Variants in ATP6V0A4 observed in about 807,000 individuals in gnomAD.
ATP6V0A4 encodes the protein V-type proton ATPase 116 kDa subunit a 4.
A neutral mutation model predicts 107.3 loss-of-function variants in ATP6V0A4; 86 were observed. The ratio of observed to expected loss-of-function variants is 0.80; its 90% CI spans 0.67 to 0.96. The LOEUF (loss-of-function observed/expected upper bound fraction) is 0.96. ATP6V0A4 is among the 40% of genes least tolerant of loss of function. ATP6V0A4 has a pLI of 0.00. For missense variants in ATP6V0A4, 908 were observed against 1,045.6 expected (o/e 0.87, Z 1.81); for synonymous variants, 353 against 381.4 (o/e 0.93, Z 0.87).
chr7:138,772,122 C>G (rs1297371564), intron 2 of ATP6V0A4, among the ~76,000 whole-genome samples: 1 of 152,144 alleles, frequency 6.6e-6, no homozygotes, highest in Admixed American at 6.5e-5. Context: ...AATCCATATG[C>G]CCATTGGGTA....
At chr7:138,752,588 A>C in intron 11 of ATP6V0A4, 37 bp downstream of exon 11, 6 of 1,610,298 alleles carry the variant, frequency 3.7e-6, no homozygotes, top group Non-Finnish European at 5.1e-6. Flanking sequence ...AGAGGGGCTG[A>C]CTCATCGGAC....
In ATP6V0A4 at chr7:138,715,744, C is replaced by T; in HGVS notation, c.2257+20G>A. ...GTGTTGGGGAGAGCTGACTGTCCCC[C>T]CGATGGGCTGCTCACTCACGTGCAT... On this transcript the variant is annotated intron_variant, in intron 20 of 21. Transcript: ENST00000310018. 1 of 1,612,762 alleles carries T rather than the reference C, an allele frequency of 6.2e-7. No homozygotes were observed.
chr7:138,747,646 G>T, intron 12 of ATP6V0A4, 82 bp from the exon 13 acceptor site: 2 of 1,576,024 alleles, frequency 1.3e-6, no homozygotes, highest in South Asian at 2.3e-5. Context: ...ACAGCTCCAC[G>T]ATTTGCATGC....
chr7:138,706,889 ATT>A (rs11308035), intron 21 of ATP6V0A4, 172 bp from the exon 22 acceptor site: 14,736 of 210,460 alleles, frequency 0.07, no homozygotes, highest in Non-Finnish European at 0.086. Flanking sequence ...AATCCTGAGG[ATT>A]TTTTTTTTTT....
At chr7:138,759,626 A>AG (rs1176628095) in intron 8 of ATP6V0A4, 126 bp downstream of exon 8, 1 of 1,047,536 alleles carries the variant, frequency 9.5e-7, no homozygotes, top group East Asian at 2.5e-5. Context: ...GAAAAAAAGG[A>AG]GAAAAAAAGG....
intron 8 of ATP6V0A4, 82 bp downstream of exon 8, chr7:138,759,670 C>T (rs568377868): frequency 6.9e-7 from 1 of 1,446,018 alleles, no homozygotes; most frequent in African/African-American, 1.4e-5. Flanking sequence ...CTAAAGATCC[C>T]CCATGTTTTG....
At chr7:138,771,780 C>A (rs1807403481) in intron 2 of ATP6V0A4, among the ~76,000 whole-genome samples, 1 of 152,078 alleles carries the variant, frequency 6.6e-6, no homozygotes, top group Non-Finnish European at 1.5e-5. Context: ...CCACCACACC[C>A]AGCTAGTTGT....
intron 11 of ATP6V0A4, among the ~76,000 whole-genome samples, chr7:138,749,896 G>A (rs1055107782): frequency 6.6e-6 from 1 of 152,080 alleles, no homozygotes; most frequent in Non-Finnish European, 1.5e-5. Context: ...AGCAAAGCTT[G>A]CTAGTTCTCC....
chr7:138,712,511 C>T (rs996667595), intron 20 of ATP6V0A4, among the ~76,000 whole-genome samples: 2 of 152,178 alleles, frequency 1.3e-5, no homozygotes, highest in African/African-American at 4.8e-5. Context: ...CTGATGAAAG[C>T]CCCGGCACAC....
At position 138,798,027 on chromosome 7, in the gene ATP6V0A4, G is replaced by A. The variant is rs542333805; in HGVS notation, c.-121+7C>T. On this transcript the variant is annotated splice_region_variant and intron_variant, in intron 1 of 21. Coordinates refer to ENST00000310018, the MANE Select transcript of ATP6V0A4 (RefSeq NM_020632.3). ...TTTCCAGCTCCTGCAGGTGGGAGTCGACTCACCTGCAGCAGGCACTCGGCA... is the reference window on the plus strand; with the variant it reads ...TTTCCAGCTCCTGCAGGTGGGAGTCAACTCACCTGCAGCAGGCACTCGGCA... The A allele has an allele frequency of 8.8e-5, 136 of 1,552,072 alleles. No individual in the cohort carries two copies. In the African/African-American group the frequency reaches 1.4e-3, roughly 16 times the overall value.
chr7:138,743,810 A>AT (rs1805763031), intron 14 of ATP6V0A4, among the ~76,000 whole-genome samples: 1 of 152,198 alleles, frequency 6.6e-6, no homozygotes. Context: ...GGTTTTACAA[A>AT]TTAGCCCTCA....
chr7:138,795,081 T>A (rs902076935), intron 1 of ATP6V0A4, among the ~76,000 whole-genome samples: 10 of 152,080 alleles, frequency 6.6e-5, no homozygotes, highest in Admixed American at 6.5e-4. Flanking sequence ...TGAATTTTTT[T>A]AGTAGAGATG....
intron 18 of ATP6V0A4, 144 bp from the exon 19 acceptor site, chr7:138,722,169 C>T: frequency 7.3e-7 from 1 of 1,365,704 alleles, no homozygotes; most frequent in Non-Finnish European, 1.0e-6. Flanking sequence ...TAAGCCCTCA[C>T]AACAACCATT....
chr7:138,769,152 A>T (rs1323600756), intron 4 of ATP6V0A4, 21 bp downstream of exon 4: 5 of 1,580,484 alleles, frequency 3.2e-6, no homozygotes, highest in Non-Finnish European at 4.3e-6. Flanking sequence ...AGTAAGAAAA[A>T]AAAAAAAAAA....
intron 20 of ATP6V0A4, among the ~76,000 whole-genome samples, chr7:138,710,567 T>C (rs1477613560): frequency 1.3e-5 from 2 of 152,256 alleles, no homozygotes; most frequent in East Asian, 3.8e-4. Flanking sequence ...ATATATTTTA[T>C]GCATTTTTGT....
chr7:138,737,320 A>T (rs1469740245), intron 15 of ATP6V0A4, among the ~76,000 whole-genome samples: 1 of 149,644 alleles, frequency 6.7e-6, no homozygotes, highest in Non-Finnish European at 1.5e-5. Flanking sequence ...TGATGGTTTT[A>T]TAAGGGGAAA....
At chr7:138,723,107 G>A (rs1161751918) in intron 18 of ATP6V0A4, among the ~76,000 whole-genome samples, 5 of 151,234 alleles carry the variant, frequency 3.3e-5, no homozygotes, top group African/African-American at 9.7e-5. Flanking sequence ...CAGCTGGCAA[G>A]GCTGGTAAGT....
At chr7:138,737,126 A>ATATATATATATATATATATATATATATG (rs1805374325) in intron 15 of ATP6V0A4, among the ~76,000 whole-genome samples, 1 of 140,824 alleles carries the variant, frequency 7.1e-6, no homozygotes, top group South Asian at 2.3e-4. Context: ...ATATATATAT[A>ATATATATATATATATATATATATATATG]TGATACAAAC....
At position 138,798,048 on chromosome 7, in the gene ATP6V0A4, C is replaced by T. The variant is rs1347414244; in HGVS notation, c.-135G>A. On this transcript the variant is annotated 5_prime_UTR_variant, in exon 1 of 22. Transcript: ENST00000310018. The stretch of plus-strand genomic sequence containing the variant: ...AGTCGACTCACCTGCAGCAGGCACT[C>T]GGCACAACTCCGCAGGACCGGCTCA... 2.6e-6 allele frequency: 4 copies of T among 1,558,518 alleles called. No individual in the cohort carries two copies. Among genetic ancestry groups the T allele is most frequent in the South Asian group, 2.4e-5 (2 of 84,436 alleles).
Sources: allele counts gnomAD v4.1 joint callset (sites outside exome capture counted in the v4.1 genomes callset), GRCh38; gene constraint gnomAD v4.1.1; transcripts MANE v1.5; gene names NCBI Gene and HGNC (gene_info 2026-07-23, HGNC 2026-07-21).